TRMT112: variants seen among roughly 807,000 people sequenced by gnomAD.
TRMT112 encodes tRNA methyltransferase activator subunit 11-2, also known as multifunctional methyltransferase subunit TRM112-like protein.
Under a neutral mutation model 13.8 loss-of-function variants are expected in TRMT112, and 9 were observed. The observed-to-expected ratio is 0.65, with a 90% CI of 0.39 to 1.14. TRMT112 has a LOEUF of 1.14. Ranked by LOEUF, TRMT112 falls within the 50% of genes most tolerant of loss-of-function variation. The probability of loss-of-function intolerance (pLI) is 0.01; values close to 1 mark genes in which losing one functional copy is unlikely to be tolerated. For missense variants in TRMT112, 196 were observed against 165.5 expected, an observed-to-expected ratio of 1.18 and a Z score of -1.01; for synonymous variants, 64 against 67.0, an observed-to-expected ratio of 0.96 and a Z score of 0.22.
upstream of TRMT112, chr11:64,317,871 A>G: frequency 8.3e-7 from 1 of 1,209,300 alleles, no homozygotes; most frequent in South Asian, 1.8e-5. Context: ...CAGGCGCCTA[A>G]CACCGTCGTC....
Position 64,316,982 on chromosome 11 carries a change from G to A in TRMT112, c.271-14C>T, listed in dbSNP as rs1328996884. 2.5e-6 allele frequency: 4 copies of A among 1,612,490 alleles called. No homozygotes were observed. The African/African-American group carries it at 4.0e-5, about 16-fold the overall frequency. On this transcript the variant is annotated splice_polypyrimidine_tract_variant and intron_variant, in intron 3 of 3. Coordinates refer to ENST00000544844, the MANE Select transcript of TRMT112 (RefSeq NM_016404.3). Reference sequence around the variant, plus strand: ...TATCACTTCCACCTGCGGGCAGGGAGGGACAGAGCTGAGCACTGGCAGCCT... The same window carrying A: ...TATCACTTCCACCTGCGGGCAGGGAAGGACAGAGCTGAGCACTGGCAGCCT...
At chr11:64,318,066 C>A, upstream of TRMT112, 1 of 1,443,046 alleles carries the variant, frequency 6.9e-7, no homozygotes, top group Non-Finnish European at 9.0e-7. Context: ...GTCCCGGAAG[C>A]TCTGTTCTGC....
At chr11:64,317,603 C>G (rs1233074711), upstream of TRMT112, 19 of 1,382,196 alleles carry the variant, frequency 1.4e-5, no homozygotes, top group Non-Finnish European at 1.9e-5. Flanking sequence ...GGATGCTCCT[C>G]TCGATGCTAT....
In TRMT112 at chr11:64,317,264, G is replaced by C. The variant is rs41294428; in HGVS notation, c.180C>G (p.Asn60Lys). 6.2e-7 allele frequency: 1 copy of C among 1,610,298 alleles called. No individual in the cohort carries two copies. Among genetic ancestry groups the C allele is most frequent in the East Asian group, 2.2e-5 (1 of 44,772 alleles). The change falls in exon 2 of 4, where the codon AAC becomes AAG. Residue 60 changes from asparagine to lysine, a missense_variant and splice_region_variant. By Grantham distance (94) the Asn-to-Lys change is moderately conservative (BLOSUM62 0). Coordinates refer to ENST00000544844, the MANE Select transcript of TRMT112 (RefSeq NM_016404.3). ...GCTGGGGCGGGGTAAGGATCCTCAC[G>C]TTATCGGCCGCCTCCAGGAACGCCG... ...EWSAFLEAADNLRLIQVPKGP... is the reference protein window; with the variant it reads ...EWSAFLEAADKLRLIQVPKGP...
At chr11:64,318,487 C>T (rs1281871430), upstream of TRMT112, 3 of 1,422,730 alleles carry the variant, frequency 2.1e-6, no homozygotes, top group Admixed American at 2.4e-5. Flanking sequence ...CCTGCCAGAC[C>T]CCTCCCCTCC....
At chr11:64,318,051 C>T (rs1225179278), upstream of TRMT112, 1 of 1,435,322 alleles carries the variant, frequency 7.0e-7, no homozygotes, top group South Asian at 1.5e-5. Flanking sequence ...GCAAACGAGG[C>T]GTGGGTCCCG....
At chr11:64,317,205 C>G (rs113724435) in intron 2 of TRMT112, 58 bp from the exon 3 acceptor site, 6 of 1,610,712 alleles carry the variant, frequency 3.7e-6, no homozygotes, top group African/African-American at 2.7e-5. Context: ...CTCAGCCCGG[C>G]TGAGGTGTGC....
At chr11:64,317,777 C>A, upstream of TRMT112, 1 of 772,272 alleles carries the variant, frequency 1.3e-6, no homozygotes, top group Non-Finnish European at 1.9e-6. Flanking sequence ...GCCACAAATT[C>A]TTCGTAAGAT....
upstream of TRMT112, chr11:64,317,657 C>T (rs1415475976): frequency 7.5e-6 from 8 of 1,060,806 alleles, no homozygotes; most frequent in Admixed American, 5.8e-5. Context: ...GCTGGAACTT[C>T]TCGTGTTTGT....
rs1482497750 is a variant in TRMT112, at chr11:64,316,511, C to T, written c.*350G>A. ...GGTGGCCAGGGCTTCCCCATCAGCT[C>T]CCAACGAGCCTCCTCAGGGGGTAGG... On this transcript the variant is annotated 3_prime_UTR_variant, in exon 4 of 4. Coordinates refer to ENST00000544844, the MANE Select transcript of TRMT112 (RefSeq NM_016404.3). The T allele has an allele frequency of 8.5e-6, 2 of 234,656 alleles. No homozygotes were observed. The highest frequency in any genetic ancestry group is 1.7e-5 in the Non-Finnish European group (2 of 116,834). 14.5% of individuals were successfully genotyped at this position (234,656 alleles called of 1,614,324 possible). A position where few individuals can be genotyped will look rare whatever the true frequency, so the allele number is the denominator to read the frequency against.
At chr11:64,317,784 A>G (rs1285053326), upstream of TRMT112, 9 of 771,860 alleles carry the variant, frequency 1.2e-5, no homozygotes, top group South Asian at 4.5e-5. Flanking sequence ...ATTCTTCGTA[A>G]GATGCAAATC....
Position 64,316,808 on chromosome 11 carries a change from A to G in TRMT112, c.*53T>C, listed in dbSNP as rs752937694. 7 of 1,229,366 alleles carry G rather than the reference A, an allele frequency of 5.7e-6. No individual in the cohort carries two copies. The highest frequency in any genetic ancestry group is 8.4e-6 in the Non-Finnish European group (7 of 830,642). The allele number at this position is 1,229,366 out of a possible 1,614,324, so 76.2% of individuals were successfully genotyped here. A position where few individuals can be genotyped will look rare whatever the true frequency, so the allele number is the denominator to read the frequency against. ...ACACGGCAGAATTCGGAAACAGGGT[A>G]TAGATCAACAAAAATACACAGTCAT... On this transcript the variant is annotated 3_prime_UTR_variant, in exon 4 of 4. Transcript: ENST00000544844.
In TRMT112 at chr11:64,316,946, A is replaced by T. The variant is rs1043096663; in HGVS notation, c.293T>A (p.Leu98Gln). 1.9e-6 allele frequency: 3 copies of T among 1,611,934 alleles called. No individual in the cohort carries two copies. Among genetic ancestry groups the T allele is most frequent in the Non-Finnish European group, 1.7e-6 (2 of 1,178,040 alleles). ...LLEVEVIEGT[L>Q]QCPESGRMFP... ...CATACGTCCAGATTCCGGGCACTGC[A>T]GGGTGCCCTCTATCACTTCCACCTG... The change falls in exon 4 of 4, where the codon CTG becomes CAG. Residue 98 changes from leucine to glutamine, a missense_variant. Leu to Gln is a moderately radical substitution (Grantham distance 113). Transcript: ENST00000544844.
chr11:64,317,926 C>T (rs868043066), upstream of TRMT112: 9 of 1,373,202 alleles, frequency 6.6e-6, no homozygotes, highest in African/African-American at 9.0e-5. Context: ...ACCGCCCTAT[C>T]TGTAAATTAG....
chr11:64,318,381 A>G (rs143723178), upstream of TRMT112: 40 of 1,606,630 alleles, frequency 2.5e-5, no homozygotes, highest in African/African-American at 1.9e-4. Flanking sequence ...CATGGCCCCA[A>G]TCAAGGTGAC....
upstream of TRMT112, chr11:64,318,418 C>T (rs529087378): frequency 4.4e-6 from 7 of 1,579,644 alleles, no homozygotes; most frequent in African/African-American, 1.4e-5. Context: ...CCTGACATCC[C>T]CCACTACCCC....
rs1348683658 is a variant in TRMT112 at position 64,317,373 on chromosome 11, G to A, written c.79-8C>T. On this transcript the variant is annotated splice_polypyrimidine_tract_variant and splice_region_variant and intron_variant, in intron 1 of 3. Transcript: ENST00000544844. ...GATACGGACCTCGGTGGCCTGCAGG[G>A]CGGAGGAGTTTAGGCAAGCACTGGA... 6.2e-7 allele frequency: 1 copy of A among 1,614,012 alleles called. No individual in the cohort carries two copies. The highest frequency in any genetic ancestry group is 8.5e-7 in the Non-Finnish European group (1 of 1,180,014).
rs998108042 is a variant in TRMT112 at position 64,317,367 on chromosome 11, T to C, written c.79-2A>G. 1.2e-6 allele frequency: 2 copies of C among 1,614,018 alleles called. No individual in the cohort carries two copies. The highest frequency in any genetic ancestry group is 1.7e-6 in the Non-Finnish European group (2 of 1,180,014). On this transcript the variant is annotated splice_acceptor_variant, in intron 1 of 3. Coordinates refer to ENST00000544844, the MANE Select transcript of TRMT112 (RefSeq NM_016404.3). LOFTEE classifies it high-confidence loss of function. ...AGGGCAGATACGGACCTCGGTGGCC[T>C]GCAGGGCGGAGGAGTTTAGGCAAGC...
At chr11:64,318,288 T>C (rs757529407), upstream of TRMT112, 1 of 1,612,468 alleles carries the variant, frequency 6.2e-7, no homozygotes, top group Non-Finnish European at 8.5e-7. Flanking sequence ...CGGCGGTCAG[T>C]CTGCGGCAGC....
Sources: allele counts gnomAD v4.1 joint callset, GRCh38; gene constraint gnomAD v4.1.1; transcripts MANE v1.5; gene names NCBI Gene and HGNC (gene_info 2026-07-23, HGNC 2026-07-21).